Variants in LRP1B observed in about 807,000 individuals in gnomAD.
LRP1B encodes the protein low-density lipoprotein receptor-related protein 1B.
LRP1B carries 217 observed loss-of-function variants against 556.6 expected under a neutral mutation model. That is an observed-to-expected ratio of 0.39 (90% confidence interval 0.35 to 0.44). The LOEUF (loss-of-function observed/expected upper bound fraction) is 0.44, where lower values mean the gene tolerates loss of function less well. Among genes scored for constraint, LRP1B ranks in the 20% least tolerant of loss-of-function variants. LRP1B has a pLI of 1.00. For missense variants in LRP1B, 5,053 were observed against 5,620.8 expected (o/e 0.90, Z 3.23); for synonymous variants, 2,047 against 1,865.8 (o/e 1.10, Z -2.50).
At chr2:141,007,621 G>A (rs1697615363) in intron 14 of LRP1B, among the ~76,000 whole-genome samples, 1 of 151,472 alleles carries the variant, frequency 6.6e-6, no homozygotes, top group African/African-American at 2.4e-5. Flanking sequence ...TACACATTCT[G>A]TACAGGATGA....
At chr2:140,990,932 A>G (rs1328823254) in intron 16 of LRP1B, among the ~76,000 whole-genome samples, 1 of 152,138 alleles carries the variant, frequency 6.6e-6, no homozygotes, top group African/African-American at 2.4e-5. Flanking sequence ...TTGAGTAGCA[A>G]ATGCGTGCAT....
chr2:141,644,242 G>A (rs1689463796), intron 2 of LRP1B, among the ~76,000 whole-genome samples: 1 of 152,032 alleles, frequency 6.6e-6, no homozygotes, highest in Non-Finnish European at 1.5e-5. Context: ...GGAACCCGGT[G>A]GGAGGTAATT....
chr2:140,687,086 A>G (rs1189681346), intron 41 of LRP1B, among the ~76,000 whole-genome samples: 1 of 152,112 alleles, frequency 6.6e-6, no homozygotes, highest in Admixed American at 6.5e-5. Flanking sequence ...TAGAAGGAAC[A>G]CTAAGTTCAA....
intron 41 of LRP1B, among the ~76,000 whole-genome samples, chr2:140,699,129 C>A (rs1424619258): frequency 6.6e-6 from 1 of 151,960 alleles, no homozygotes; most frequent in Admixed American, 6.6e-5. Context: ...AAAATATCCA[C>A]CACACATACA....
intron 71 of LRP1B, among the ~76,000 whole-genome samples, chr2:140,370,257 C>G (rs1047371735): frequency 3.9e-5 from 6 of 151,900 alleles, no homozygotes; most frequent in Non-Finnish European, 8.8e-5. Flanking sequence ...TGGGGCACAA[C>G]CTATAACCTA....
intron 35 of LRP1B, among the ~76,000 whole-genome samples, chr2:140,725,496 A>G (rs1183711052): frequency 1.4e-5 from 2 of 144,274 alleles, no homozygotes; most frequent in Non-Finnish European, 1.5e-5. Context: ...CTTTATTTCA[A>G]AAGGTGTTCT....
chr2:141,667,092 T>A (rs555564700), intron 2 of LRP1B, among the ~76,000 whole-genome samples: 71 of 152,248 alleles, frequency 4.7e-4, no homozygotes, highest in Middle Eastern at 3.4e-3. Flanking sequence ...TTGTTCTTCA[T>A]TATTTACATA....
intron 2 of LRP1B, among the ~76,000 whole-genome samples, chr2:141,617,812 G>A (rs1688362707): frequency 6.6e-6 from 1 of 152,130 alleles, no homozygotes; most frequent in South Asian, 2.1e-4. Context: ...CTAAAAAGTA[G>A]AGAGTGGTAT....
At chr2:140,822,262 A>T (rs1691354812) in intron 31 of LRP1B, among the ~76,000 whole-genome samples, 1 of 152,198 alleles carries the variant, frequency 6.6e-6, no homozygotes, top group Admixed American at 6.5e-5. Context: ...CTTAATTGAG[A>T]ATATTTAGCT....
intron 1 of LRP1B, among the ~76,000 whole-genome samples, chr2:141,883,030 G>A (rs1366501166): frequency 6.6e-6 from 1 of 152,040 alleles, no homozygotes; most frequent in African/African-American, 2.4e-5. Flanking sequence ...AAATTAGTTG[G>A]AAAATAGATG....
intron 83 of LRP1B, among the ~76,000 whole-genome samples, chr2:140,309,606 C>A (rs192820669): frequency 1.6e-4 from 24 of 151,818 alleles, no homozygotes; most frequent in African/African-American, 5.5e-4. Flanking sequence ...CAGTGTCTGG[C>A]ACTTAGTAAG....
chr2:140,342,976 C>T (rs1681472662), intron 77 of LRP1B, among the ~76,000 whole-genome samples: 1 of 150,992 alleles, frequency 6.6e-6, no homozygotes, highest in African/African-American at 2.4e-5. Flanking sequence ...CAAAAACCAT[C>T]AGAAACAAAG....
At chr2:140,553,764 C>T (rs1303690617) in intron 43 of LRP1B, among the ~76,000 whole-genome samples, 4 of 152,014 alleles carry the variant, frequency 2.6e-5, no homozygotes, top group African/African-American at 9.7e-5. Flanking sequence ...TGGAGCTGTA[C>T]ATCCTTAGGT....
At chr2:141,625,767 G>T (rs1302427307) in intron 2 of LRP1B, among the ~76,000 whole-genome samples, 4 of 152,002 alleles carry the variant, frequency 2.6e-5, no homozygotes, top group African/African-American at 9.7e-5. Flanking sequence ...AATCACCTAG[G>T]ATTTTTATTA....
At chr2:141,717,950 T>C (rs1692668664) in intron 2 of LRP1B, among the ~76,000 whole-genome samples, 6 of 152,112 alleles carry the variant, frequency 3.9e-5, no homozygotes, top group Admixed American at 3.9e-4. Context: ...ATAAGACAAA[T>C]AAATGAGGAT....
chr2:141,451,935 G>A (rs1465530599), intron 3 of LRP1B, among the ~76,000 whole-genome samples: 11 of 152,076 alleles, frequency 7.2e-5, no homozygotes, highest in Non-Finnish European at 4.4e-5. Context: ...TGACCCTGTT[G>A]GATATGTTAA....
At chr2:141,262,325 G>T (rs73962891) in intron 3 of LRP1B, among the ~76,000 whole-genome samples, 1,877 of 151,590 alleles carry the variant, frequency 0.012, 34 homozygotes, top group African/African-American at 0.044. Flanking sequence ...ATGTATTCTG[G>T]ATACAAGTTT....
intron 45 of LRP1B, 40 bp from the exon 46 acceptor site, chr2:140,536,749 G>A (rs1427722528): frequency 1.3e-6 from 2 of 1,520,576 alleles, no homozygotes. Flanking sequence ...TTTGTGCAAT[G>A]GCAAATATTT....
intron 2 of LRP1B, among the ~76,000 whole-genome samples, chr2:141,547,374 G>A (rs564621021): frequency 1.6e-4 from 24 of 152,060 alleles, no homozygotes; most frequent in East Asian, 5.8e-4. Flanking sequence ...CCCAATTTGC[G>A]TTAATTCGTT....
Sources: allele counts gnomAD v4.1 joint callset (sites outside exome capture counted in the v4.1 genomes callset), GRCh38; gene constraint gnomAD v4.1.1; transcripts MANE v1.5; gene names NCBI Gene and HGNC (gene_info 2026-07-23, HGNC 2026-07-21).